The following ATP2C1 variants were observed in gnomAD, a reference collection of about 807,000 sequenced individuals.
ATP2C1 encodes ATPase secretory pathway Ca2+ transporting 1.
Under a neutral mutation model 120.5 loss-of-function variants are expected in ATP2C1, and 31 were observed. That is an observed-to-expected ratio of 0.26 (90% CI 0.19 to 0.35). The LOEUF is 0.35. Among genes scored for constraint, ATP2C1 ranks in the 10% least tolerant of loss-of-function variants. The pLI is 1.00. For synonymous variants in ATP2C1, 351 were observed against 358.7 expected, an observed-to-expected ratio of 0.98 and a Z score of 0.24; for missense variants, 731 against 1,107.5, an observed-to-expected ratio of 0.66 and a Z score of 4.83.
At chr3:130,932,636 A>C (rs1021993046) in intron 4 of ATP2C1, among the ~76,000 whole-genome samples, 9 of 152,182 alleles carry the variant, frequency 5.9e-5, no homozygotes, top group Admixed American at 5.9e-4. Flanking sequence ...ATAGTTATTT[A>C]TATTTTTTCA....
intron 24 of ATP2C1, 104 bp downstream of exon 24, chr3:130,996,900 A>T: frequency 1.2e-6 from 1 of 844,908 alleles, no homozygotes; most frequent in South Asian, 1.4e-5. Flanking sequence ...AAAACTTTGC[A>T]GCAAATGTTT....
chr3:130,856,759 C>G (rs1381535500), intron 1 of ATP2C1, among the ~76,000 whole-genome samples: 1 of 152,144 alleles, frequency 6.6e-6, no homozygotes, highest in African/African-American at 2.4e-5. Flanking sequence ...GCATGTTGAC[C>G]TTGCCCCCTG....
At position 130,930,437 on chromosome 3, in the gene ATP2C1, C is replaced by G. The variant is rs779394828; in HGVS notation, c.28C>G (p.Pro10Ala). The change falls in exon 3 of 28, where the codon CCT becomes GCT. Residue 10 changes from proline to alanine, a missense_variant. By Grantham distance (27) the Pro-to-Ala change is conservative (BLOSUM62 -1). Coordinates refer to ENST00000510168, the MANE Select transcript of ATP2C1 (RefSeq NM_001378687.1). ...CTAGGTTGCACGTTTTCAAAAAATA[C>G]CTAATGGTGAAAATGAGACAATGAT... MKVARFQKI[P>A]NGENETMIPV... 16 of 1,611,944 alleles carry G rather than the reference C, an allele frequency of 9.9e-6. No individual in the cohort carries two copies. The Admixed American group carries it at 2.7e-4, about 27-fold the overall frequency.
chr3:130,899,083 T>G (rs1233277999), intron 2 of ATP2C1, among the ~76,000 whole-genome samples: 1 of 152,124 alleles, frequency 6.6e-6, no homozygotes, highest in Non-Finnish European at 1.5e-5. Flanking sequence ...ATCCTGAGGT[T>G]AATGCCATCA....
At chr3:130,897,801 C>T (rs1229899686) in intron 2 of ATP2C1, among the ~76,000 whole-genome samples, 1 of 152,142 alleles carries the variant, frequency 6.6e-6, no homozygotes, top group Non-Finnish European at 1.5e-5. Flanking sequence ...TGAACACTTT[C>T]TGCTTGTCAC....
At chr3:130,859,802 A>G (rs1407301963) in intron 1 of ATP2C1, among the ~76,000 whole-genome samples, 2 of 152,256 alleles carry the variant, frequency 1.3e-5, no homozygotes, top group Non-Finnish European at 2.9e-5. Context: ...GGGAGTCAGT[A>G]AATGGATGAA....
At chr3:130,995,649 G>C (rs76703709) in intron 22 of ATP2C1, among the ~76,000 whole-genome samples, 1 of 143,922 alleles carries the variant, frequency 6.9e-6, no homozygotes, top group Non-Finnish European at 1.5e-5. Flanking sequence ...TTATTTATTT[G>C]TTTGTTTGTT....
At chr3:130,883,067 C>T (rs2068837426) in intron 1 of ATP2C1, among the ~76,000 whole-genome samples, 1 of 152,120 alleles carries the variant, frequency 6.6e-6, no homozygotes, top group African/African-American at 2.4e-5. Flanking sequence ...ATGGTTCAAT[C>T]TTGGTAGGTT....
rs77815047 is a variant in ATP2C1, at chr3:130,860,098, G to C, written c.108+9170G>C. On this transcript the variant is annotated intron_variant, in intron 1 of 26. Coordinates refer to the ATP2C1 transcript ENST00000504381. ...ATAATTTGGATACTGCCCTAATACA[G>C]TTAATGTATGATTATTTTTCATTAA... Among the ~76,000 whole-genome samples, 1,221 of 152,294 alleles carry C rather than the reference G, an allele frequency of 8.0e-3. 6 individuals carry two copies. The highest frequency in any genetic ancestry group is 0.013 in the Non-Finnish European group (892 of 68,020).
chr3:130,925,900 G>A (rs1468193965), intron 2 of ATP2C1, among the ~76,000 whole-genome samples: 1 of 152,096 alleles, frequency 6.6e-6, no homozygotes, highest in Non-Finnish European at 1.5e-5. Flanking sequence ...CCAGGGAAGT[G>A]GGGGAAAGCT....
intron 2 of ATP2C1, among the ~76,000 whole-genome samples, chr3:130,910,546 C>T (rs1028625358): frequency 1.2e-4 from 17 of 140,356 alleles, no homozygotes; most frequent in African/African-American, 4.6e-4. Context: ...GGGAATGCTT[C>T]CAGTTTTTGC....
intron 1 of ATP2C1, among the ~76,000 whole-genome samples, chr3:130,864,738 G>A (rs765452394): frequency 7.9e-5 from 12 of 152,360 alleles, no homozygotes; most frequent in East Asian, 3.9e-4. Context: ...CAGCTTCCAC[G>A]TGTTGTTGAG....
In ATP2C1 at chr3:130,970,651, C is replaced by T. The variant is rs573294309; in HGVS notation, c.1413+1255C>T. 7.2e-4 allele frequency among the ~76,000 whole-genome samples: 110 copies of T among 152,190 alleles called. 1 individual carries two copies. Among genetic ancestry groups the T allele is most frequent in the African/African-American group, 2.6e-3 (108 of 41,526 alleles). On this transcript the variant is annotated intron_variant, in intron 17 of 27. Coordinates refer to ENST00000510168, the MANE Select transcript of ATP2C1 (RefSeq NM_001378687.1). ...TCACATGATCCTCCACCTTGGCCTC[C>T]CAGAGTGCTGGGATTGCAGGCGTGA...
Position 130,869,076 on chromosome 3 carries a change from T to C in ATP2C1, c.108+18148T>C, listed in dbSNP as rs1487203789. ...ATGGGAGACTTTTCATTTTGTTCTG[T>C]ACTAAGAAAAATTCTTCTGCCTTGG... On this transcript the variant is annotated intron_variant, in intron 1 of 26. Coordinates refer to the ATP2C1 transcript ENST00000504381. 4 of 178,378 alleles carry C rather than the reference T, an allele frequency of 2.2e-5. No individual in the cohort carries two copies. In the East Asian group the frequency reaches 5.7e-4, roughly 26 times the overall value. 11.0% of individuals were successfully genotyped at this position (178,378 alleles called of 1,614,324 possible).
intron 17 of ATP2C1, among the ~76,000 whole-genome samples, chr3:130,970,781 G>GAT (rs2061276619): frequency 6.6e-6 from 1 of 152,038 alleles, no homozygotes; most frequent in Non-Finnish European, 1.5e-5. Flanking sequence ...TTTTGCATGT[G>GAT]ATACCTATGA....
intron 26 of ATP2C1, chr3:131,015,910 T>C: frequency 1.6e-6 from 1 of 640,822 alleles, no homozygotes; most frequent in Non-Finnish European, 2.7e-6. Context: ...AACTGATTTT[T>C]TAAAATTGGA....
chr3:131,008,974 G>A (rs1023780001), intron 26 of ATP2C1, among the ~76,000 whole-genome samples: 5 of 152,116 alleles, frequency 3.3e-5, no homozygotes, highest in East Asian at 1.9e-4. Context: ...CTGATCTGCC[G>A]TCCCATCTGA....
intron 2 of ATP2C1, among the ~76,000 whole-genome samples, chr3:130,906,301 T>G (rs2058116822): frequency 6.6e-6 from 1 of 152,094 alleles, no homozygotes; most frequent in South Asian, 2.1e-4. Context: ...TTGCCTGTTC[T>G]GGGTATTTCA....
intron 1 of ATP2C1, among the ~76,000 whole-genome samples, chr3:130,858,516 G>C (rs1253119855): frequency 1.3e-5 from 2 of 152,160 alleles, no homozygotes; most frequent in Non-Finnish European, 2.9e-5. Context: ...GAAGGCACTT[G>C]GTAACTGTCC....
Sources: allele counts gnomAD v4.1 joint callset (sites outside exome capture counted in the v4.1 genomes callset), GRCh38; gene constraint gnomAD v4.1.1; transcripts MANE v1.5; gene names NCBI Gene and HGNC (gene_info 2026-07-23, HGNC 2026-07-21).